The following CACNA2D1 variants were observed in gnomAD, a reference collection of about 807,000 sequenced individuals.
The protein encoded by CACNA2D1 is calcium voltage-gated channel auxiliary subunit alpha2delta 1.
In CACNA2D1, 53 loss-of-function variants were observed where a neutral mutation model predicts 171.5. The ratio of observed to expected loss-of-function variants is 0.31; its 90% CI spans 0.25 to 0.39. CACNA2D1 has a LOEUF of 0.39. Among genes scored for constraint, CACNA2D1 ranks in the 10% least tolerant of loss-of-function variants. The probability of loss-of-function intolerance (pLI) is 1.00; values close to 1 mark genes in which losing one functional copy is unlikely to be tolerated. For missense variants in CACNA2D1, 903 were observed against 1,299.8 expected (o/e 0.69, Z 4.69); for synonymous variants, 442 against 443.1 (o/e 1.00, Z 0.03).
intron 4 of CACNA2D1, among the ~76,000 whole-genome samples, chr7:82,159,101 C>T (rs1006422645): frequency 3.3e-5 from 5 of 151,856 alleles, no homozygotes; most frequent in African/African-American, 1.2e-4. Context: ...TAATCAGATG[C>T]TGCATATATT....
At chr7:82,073,821 G>C (rs554912625) in intron 7 of CACNA2D1, among the ~76,000 whole-genome samples, 38 of 152,048 alleles carry the variant, frequency 2.5e-4, no homozygotes, top group Non-Finnish European at 4.7e-4. Flanking sequence ...GGCTGGTCTC[G>C]AACTCCTGAC....
intron 25 of CACNA2D1, among the ~76,000 whole-genome samples, chr7:81,972,464 G>A (rs1486119222): frequency 6.6e-6 from 1 of 151,770 alleles, no homozygotes; most frequent in Non-Finnish European, 1.5e-5. Flanking sequence ...AGCAAGGAAT[G>A]GAATGAGCAT....
intron 3 of CACNA2D1, among the ~76,000 whole-genome samples, chr7:82,202,621 CACTCAGCCCCTGAGGG>C (rs1338796683): frequency 2.0e-5 from 3 of 152,034 alleles, no homozygotes; most frequent in African/African-American, 4.8e-5. Flanking sequence ...AAGAAGTACA[CACTCAGCCCCTGAGGG>C]ATGCAGCGGA....
At chr7:82,140,648 T>G (rs986098906) in intron 4 of CACNA2D1, among the ~76,000 whole-genome samples, 14 of 152,104 alleles carry the variant, frequency 9.2e-5, no homozygotes, top group Non-Finnish European at 2.1e-4. Flanking sequence ...TCAGTTCATA[T>G]TTTCTTATAA....
chr7:82,283,664 ATC>A (rs1483412221), intron 3 of CACNA2D1, among the ~76,000 whole-genome samples: 2 of 144,696 alleles, frequency 1.4e-5, no homozygotes, highest in Non-Finnish European at 3.1e-5. Flanking sequence ...ACCATAAAGA[ATC>A]TCTATTTTTT....
chr7:82,020,006 T>C (rs1330204382), intron 12 of CACNA2D1, among the ~76,000 whole-genome samples: 1 of 152,168 alleles, frequency 6.6e-6, no homozygotes, highest in Non-Finnish European at 1.5e-5. Flanking sequence ...TACATCAGAA[T>C]CCAGAGCATT....
chr7:82,038,310 G>C, intron 10 of CACNA2D1, 75 bp from the exon 11 acceptor site: 1 of 1,314,016 alleles, frequency 7.6e-7, no homozygotes. Context: ...ATTTGTGTTT[G>C]ATACTCCTAA....
chr7:82,199,246 T>A lies in CACNA2D1; in HGVS notation c.295-28637A>T, dbSNP rs2129201946. 2.0e-5 allele frequency among the ~76,000 whole-genome samples: 3 copies of A among 152,290 alleles called. No homozygotes were observed. The East Asian group carries it at 5.8e-4, about 29-fold the overall frequency. On this transcript the variant is annotated intron_variant, in intron 3 of 38. Coordinates refer to ENST00000356860, the MANE Select transcript of CACNA2D1 (RefSeq NM_000722.4). ...TTGACGATTCTATGTGTGTTCAGTT[T>A]GTGAGCATAATCTTAATATTTGTTG... is the stretch of plus-strand genomic sequence containing the variant.
intron 34 of CACNA2D1, among the ~76,000 whole-genome samples, 173 bp downstream of exon 34, chr7:81,963,883 G>C (rs1438757232): frequency 6.6e-6 from 1 of 151,984 alleles, no homozygotes; most frequent in Admixed American, 6.6e-5. Flanking sequence ...TAACTTTATA[G>C]TGTTCACTTA....
chr7:82,021,485 T>A (rs1801203102), intron 12 of CACNA2D1, among the ~76,000 whole-genome samples: 1 of 152,096 alleles, frequency 6.6e-6, no homozygotes, highest in South Asian at 2.1e-4. Context: ...AACAAAGCTA[T>A]TTAATTTTTC....
intron 1 of CACNA2D1, among the ~76,000 whole-genome samples, chr7:82,412,092 C>T (rs1348361758): frequency 6.6e-6 from 1 of 152,042 alleles, no homozygotes; most frequent in Non-Finnish European, 1.5e-5. Context: ...GACACCAGGC[C>T]TGTATATATA....
intron 3 of CACNA2D1, among the ~76,000 whole-genome samples, chr7:82,221,433 G>A (rs1801748799): frequency 6.6e-6 from 1 of 152,122 alleles, no homozygotes; most frequent in South Asian, 2.1e-4. Flanking sequence ...TTCCGATTGA[G>A]CTATGACCTG....
intron 1 of CACNA2D1, among the ~76,000 whole-genome samples, chr7:82,432,830 CTG>C (rs1266011678): frequency 2.6e-5 from 4 of 152,136 alleles, no homozygotes; most frequent in African/African-American, 9.7e-5. Context: ...GTTCTTTTAT[CTG>C]TTTCTTTTTC....
intron 1 of CACNA2D1, among the ~76,000 whole-genome samples, chr7:82,360,812 T>C (rs967487523): frequency 3.3e-5 from 5 of 152,106 alleles, no homozygotes; most frequent in Non-Finnish European, 5.9e-5. Context: ...ATATAGCCCA[T>C]AGTGTAATTT....
Position 81,949,433 on chromosome 7 carries a change from A to ATGAC in CACNA2D1, c.*955_*958dup, listed in dbSNP as rs1792294653. On this transcript the variant is annotated 3_prime_UTR_variant, in exon 39 of 39. Coordinates refer to ENST00000356860, the MANE Select transcript of CACNA2D1 (RefSeq NM_000722.4). ...ACAATATCACTCAGTTAACTTTTCA[A>ATGAC]TGACTACACTCTACAGTAAGAGAAA... 1 of 152,072 alleles carries ATGAC rather than the reference A, an allele frequency of 6.6e-6. No homozygotes were observed. The highest frequency in any genetic ancestry group is 1.5e-5 in the Non-Finnish European group (1 of 67,978). The allele number at this position is 152,072 out of a possible 1,614,324, so 9.4% of individuals were successfully genotyped here. A position where few individuals can be genotyped will look rare whatever the true frequency, so the allele number is the denominator to read the frequency against.
chr7:82,173,122 C>T (rs1050291768), intron 3 of CACNA2D1, among the ~76,000 whole-genome samples: 6 of 151,986 alleles, frequency 3.9e-5, no homozygotes, highest in Non-Finnish European at 7.4e-5. Flanking sequence ...CCCAGAATCA[C>T]GTGGCTTATG....
chr7:82,144,263 A>G (rs1025260929), intron 4 of CACNA2D1, among the ~76,000 whole-genome samples: 1 of 152,022 alleles, frequency 6.6e-6, no homozygotes, highest in Non-Finnish European at 1.5e-5. Flanking sequence ...TACTTCCTAC[A>G]ATGTTTTCTT....
rs1236014506 is a variant in CACNA2D1 at position 82,292,589 on chromosome 7, T to C, written c.294+42546A>G. Among the ~76,000 whole-genome samples, 6 of 152,206 alleles carry C rather than the reference T, an allele frequency of 3.9e-5. No homozygotes were observed. In the East Asian group the frequency reaches 7.7e-4, roughly 20 times the overall value. ...ATCATTTCTCAGAATTTTTAAGGTA[T>C]TTCACATTGTCTTTAGCTTCCAGTG... is the stretch of plus-strand genomic sequence containing the variant. On this transcript the variant is annotated intron_variant, in intron 3 of 38. Transcript: ENST00000356860.
intron 3 of CACNA2D1, among the ~76,000 whole-genome samples, chr7:82,306,722 G>A (rs185942104): frequency 3.0e-3 from 457 of 152,258 alleles, no homozygotes; most frequent in Non-Finnish European, 3.8e-3. Flanking sequence ...TCCATGGTGT[G>A]CTAAACCTGG....
Sources: allele counts gnomAD v4.1 joint callset (sites outside exome capture counted in the v4.1 genomes callset), GRCh38; gene constraint gnomAD v4.1.1; transcripts MANE v1.5; gene names NCBI Gene and HGNC (gene_info 2026-07-23, HGNC 2026-07-21).